The following CREB3L2 variants were observed in gnomAD, a reference collection of about 807,000 sequenced individuals.
CREB3L2 encodes cyclic AMP-responsive element-binding protein 3-like protein 2.
CREB3L2 carries 23 observed loss-of-function variants against 57.2 expected under a neutral mutation model. That is an observed-to-expected ratio of 0.40 (90% CI 0.29 to 0.57). CREB3L2 has a LOEUF of 0.57. Ranked by LOEUF, CREB3L2 falls within the 20% of genes least tolerant of loss-of-function variation. The probability of loss-of-function intolerance (pLI) is 0.42; values close to 1 mark genes in which losing one functional copy is unlikely to be tolerated. For missense variants in CREB3L2, 628 were observed against 634.7 expected, an observed-to-expected ratio of 0.99 and a Z score of 0.11; for synonymous variants, 268 against 265.1, an observed-to-expected ratio of 1.01 and a Z score of -0.11.
chr7:137,952,692 C>A (rs1244865775), intron 1 of CREB3L2, among the ~76,000 whole-genome samples: 1 of 152,224 alleles, frequency 6.6e-6, no homozygotes, highest in East Asian at 1.9e-4. Context: ...TAAGTATTTG[C>A]TGACTTACTA....
rs113557401 is a variant in CREB3L2 at position 137,996,451 on chromosome 7, T to C, written c.102+5153A>G. Among the ~76,000 whole-genome samples the C allele has an allele frequency of 5.4e-3, 829 of 152,322 alleles. 10 individuals carry two copies. Among genetic ancestry groups the C allele is most frequent in the African/African-American group, 0.019 (787 of 41,562 alleles). On this transcript the variant is annotated intron_variant, in intron 1 of 11. Transcript: ENST00000330387. ...ACTACATTTATTCAGCTTGTGGAGGTCATGTGACCATAAGTAATAACATTC... is the reference window on the plus strand; with the variant it reads ...ACTACATTTATTCAGCTTGTGGAGGCCATGTGACCATAAGTAATAACATTC...
chr7:137,987,031 G>A (rs1182225773), intron 1 of CREB3L2, among the ~76,000 whole-genome samples: 1 of 152,226 alleles, frequency 6.6e-6, no homozygotes, highest in Non-Finnish European at 1.5e-5. Flanking sequence ...TCAGCCCACT[G>A]CCCCAGCTCT....
intron 1 of CREB3L2, among the ~76,000 whole-genome samples, chr7:137,971,001 G>A (rs1801496090): frequency 1.3e-5 from 2 of 152,170 alleles, no homozygotes; most frequent in African/African-American, 4.8e-5. Context: ...AAAAAGCTTG[G>A]AGAATGGCAT....
chr7:137,893,737 G>A (rs1799566425), intron 8 of CREB3L2, among the ~76,000 whole-genome samples: 1 of 152,172 alleles, frequency 6.6e-6, no homozygotes, highest in African/African-American at 2.4e-5. Context: ...CTATAGCTAA[G>A]AGGAAGATCA....
intron 5 of CREB3L2, among the ~76,000 whole-genome samples, chr7:137,906,510 G>T (rs1799894713): frequency 6.6e-6 from 1 of 152,192 alleles, no homozygotes; most frequent in Non-Finnish European, 1.5e-5. Flanking sequence ...TGCCATGGAG[G>T]ACTCAAAACA....
At chr7:137,962,073 A>C (rs781697248) in intron 1 of CREB3L2, among the ~76,000 whole-genome samples, 1 of 152,134 alleles carries the variant, frequency 6.6e-6, no homozygotes, top group Non-Finnish European at 1.5e-5. Context: ...AGTCAGGACC[A>C]ATGTCAGGAA....
At chr7:137,892,218 T>C (rs1001411326) in intron 8 of CREB3L2, among the ~76,000 whole-genome samples, 3 of 152,148 alleles carry the variant, frequency 2.0e-5, no homozygotes, top group African/African-American at 4.8e-5. Context: ...GAAGCATTCA[T>C]ATTAGTGAGG....
chr7:137,956,593 A>G (rs1025242466), intron 1 of CREB3L2: 2 of 1,288,954 alleles, frequency 1.6e-6, no homozygotes, highest in South Asian at 1.2e-5. Context: ...GGTCCTGGCA[A>G]TCCTTCACAC....
At chr7:137,902,938 T>C (rs180693014) in intron 7 of CREB3L2, among the ~76,000 whole-genome samples, 183 of 152,218 alleles carry the variant, frequency 1.2e-3, no homozygotes, top group Non-Finnish European at 1.9e-3. Flanking sequence ...CCTCTCAGCC[T>C]CCTGAGTAGC....
At chr7:137,950,218 T>C (rs1467879426) in intron 1 of CREB3L2, among the ~76,000 whole-genome samples, 1 of 152,186 alleles carries the variant, frequency 6.6e-6, no homozygotes, top group Non-Finnish European at 1.5e-5. Flanking sequence ...GGTTTTGTCA[T>C]GGATTTGTGG....
At chr7:137,931,015 T>C (rs1051830415) in intron 1 of CREB3L2, among the ~76,000 whole-genome samples, 7 of 150,898 alleles carry the variant, frequency 4.6e-5, no homozygotes, top group Middle Eastern at 3.5e-3. Context: ...GAGGATCAGT[T>C]GAGCCCAGGA....
intron 1 of CREB3L2, among the ~76,000 whole-genome samples, chr7:137,972,231 G>C (rs1801519615): frequency 6.6e-6 from 1 of 152,054 alleles, no homozygotes; most frequent in Admixed American, 6.5e-5. Context: ...ACAATGTCAG[G>C]AGTTCGAGAC....
intron 8 of CREB3L2, among the ~76,000 whole-genome samples, chr7:137,897,547 T>C (rs1425502915): frequency 6.6e-6 from 1 of 152,180 alleles, no homozygotes; most frequent in East Asian, 1.9e-4. Flanking sequence ...TTTGTGTATT[T>C]TTAGTAGAGA....
rs148366639 is a variant in CREB3L2 at position 137,885,425 on chromosome 7, G to A, written c.1121C>T (p.Thr374Met). 1.9e-4 allele frequency: 314 copies of A among 1,614,110 alleles called. 1 individual carries two copies. The highest frequency in any genetic ancestry group is 4.8e-4 in the South Asian group (44 of 91,080). The change falls in exon 9 of 12, where the codon ACG becomes ATG. Residue 374 changes from threonine to methionine, a missense_variant. Coordinates refer to ENST00000330387, the MANE Select transcript of CREB3L2 (RefSeq NM_194071.4). ...KVSRTCKLAG[T>M]QTGTCLMVVV... ...CACCATGAGGCAGGTGCCAGTCTGCGTGCCAGCTAACTTGCAGGTTCGAGA... is the reference window on the plus strand; with the variant it reads ...CACCATGAGGCAGGTGCCAGTCTGCATGCCAGCTAACTTGCAGGTTCGAGA...
intron 2 of CREB3L2, chr7:137,922,457 C>CACACAT (rs1554498065): frequency 9.5e-5 from 11 of 115,420 alleles, no homozygotes; most frequent in African/African-American, 4.7e-4. Context: ...TATATATACA[C>CACACAT]ACATATATAT....
chr7:137,929,277 T>G (rs1262372040), intron 1 of CREB3L2, among the ~76,000 whole-genome samples: 2 of 152,120 alleles, frequency 1.3e-5, no homozygotes, highest in African/African-American at 2.4e-5. Context: ...CCACTCTCCC[T>G]CCTTGATAGG....
rs79226062 is a variant in CREB3L2, at chr7:137,882,375, G to C, written c.1487+37C>G. The C allele has an allele frequency of 8.0e-4, 1,208 of 1,506,122 alleles. 12 individuals are homozygous for C. In the East Asian group the frequency reaches 0.022, roughly 27 times the overall value. 93.3% of individuals were successfully genotyped at this position (1,506,122 alleles called of 1,614,324 possible). On this transcript the variant is annotated intron_variant, in intron 11 of 11. Coordinates refer to ENST00000330387, the MANE Select transcript of CREB3L2 (RefSeq NM_194071.4). ...TGCTGACTCATAACCCACCATCAGT[G>C]CACTAGAGGAGTTGGCTCTGTGTCT...
At position 137,928,321 on chromosome 7, in the gene CREB3L2, G is replaced by C. The variant is rs1219536292; in HGVS notation, c.148C>G (p.Gln50Glu). 2.5e-6 allele frequency: 4 copies of C among 1,614,016 alleles called. No individual in the cohort carries two copies. The highest frequency in any genetic ancestry group is 1.3e-5 in the African/African-American group (1 of 74,924). Residue 50 changes from glutamine (Q) to glutamate (E), a missense_variant, in exon 2 of 12, where the codon CAG becomes GAG. Physicochemically the swap from Gln to Glu is conservative, Grantham distance 29. Coordinates refer to ENST00000330387, the MANE Select transcript of CREB3L2 (RefSeq NM_194071.4). Reference sequence around the variant, plus strand: ...GAGAGGAAAGGATCATTCAGGAGCTGACCCAAGACGTTCTGGGAAAACTCA... The same window carrying C: ...GAGAGGAAAGGATCATTCAGGAGCTCACCCAAGACGTTCTGGGAAAACTCA... Reference protein sequence around the residue: ...LDEFSQNVLGQLLNDPFLSEK... With the variant: ...LDEFSQNVLGELLNDPFLSEK...
chr7:137,928,496 C>T (rs779464200), intron 1 of CREB3L2, 130 bp from the exon 2 acceptor site: 3 of 749,044 alleles, frequency 4.0e-6, no homozygotes, highest in Non-Finnish European at 6.9e-6. Context: ...GTCCAGTTAG[C>T]TCGTGCTGTG....
Sources: allele counts gnomAD v4.1 joint callset (sites outside exome capture counted in the v4.1 genomes callset), GRCh38; gene constraint gnomAD v4.1.1; transcripts MANE v1.5; gene names NCBI Gene and HGNC (gene_info 2026-07-23, HGNC 2026-07-21).